The following PLEKHG4B variants were observed in gnomAD, a reference collection of about 807,000 sequenced individuals.
PLEKHG4B encodes pleckstrin homology domain-containing family G member 4B.
In PLEKHG4B, 111 loss-of-function variants were observed where a neutral mutation model predicts 121.3. That is an observed-to-expected ratio of 0.92 (90% confidence interval 0.78 to 1.07). The LOEUF (loss-of-function observed/expected upper bound fraction) is 1.07. PLEKHG4B is among the 50% of genes least tolerant of loss of function. The pLI is 0.00. For missense variants in PLEKHG4B, 1,831 were observed against 1,757.8 expected, an observed-to-expected ratio of 1.04 and a Z score of -0.74; for synonymous variants, 738 against 725.0, an observed-to-expected ratio of 1.02 and a Z score of -0.29.
chr5:109,422 TCC>T (rs763878109), intron 1 of PLEKHG4B, among the ~76,000 whole-genome samples: 5,770 of 105,052 alleles, frequency 0.055, 187 homozygotes, highest in Non-Finnish European at 0.064. Context: ...AAAAAAAAAA[TCC>T]AGCCAGAGGC....
intron 14 of PLEKHG4B, among the ~76,000 whole-genome samples, chr5:170,234 C>T (rs1339080072): frequency 6.6e-6 from 1 of 152,192 alleles, no homozygotes; most frequent in East Asian, 1.9e-4. Flanking sequence ...TCCCAGACCA[C>T]TGAGCACAGA....
chr5:95,450 G>A (rs1040288703), intron 1 of PLEKHG4B, among the ~76,000 whole-genome samples: 1 of 152,120 alleles, frequency 6.6e-6, no homozygotes, highest in African/African-American at 2.4e-5. Context: ...GTCTGCATAC[G>A]ATGGTCAGAG....
chr5:133,440 A>G (rs1734837004), intron 2 of PLEKHG4B, among the ~76,000 whole-genome samples: 1 of 152,126 alleles, frequency 6.6e-6, no homozygotes, highest in Non-Finnish European at 1.5e-5. Context: ...ATCAGCAAGA[A>G]AAAAAAACAG....
intron 13 of PLEKHG4B, among the ~76,000 whole-genome samples, chr5:164,480 A>AGCTCACACTAATGCTCTGACGGGGCGGG (rs1736174543): frequency 8.2e-6 from 1 of 122,248 alleles, no homozygotes; most frequent in Non-Finnish European, 1.6e-5. Flanking sequence ...GACGGAGCAG[A>AGCTCACACTAATGCTCTGACGGGGCGGG]GCTCACACTA....
Position 145,032 on chromosome 5 carries a change from A to G in PLEKHG4B, c.1905+112A>G, listed in dbSNP as rs16900746. On this transcript the variant is annotated intron_variant, in intron 6 of 19. Transcript: ENST00000637938. The stretch of plus-strand genomic sequence containing the variant: ...TAGCCAGTCCACAGGCTTAGTGTGA[A>G]GATTCGAGATGGGGGCCCCTGTGCA... 125,831 of 974,560 alleles carry G rather than the reference A, an allele frequency of 0.13. 10,671 individuals are homozygous for G. The highest frequency in any genetic ancestry group is 0.36 in the African/African-American group (22,249 of 61,572). 60.4% of individuals were successfully genotyped at this position (974,560 alleles called of 1,614,324 possible).
intron 2 of PLEKHG4B, among the ~76,000 whole-genome samples, chr5:119,721 G>A (rs140780898): frequency 3.0e-4 from 45 of 152,312 alleles, no homozygotes; most frequent in African/African-American, 1.1e-3. Context: ...CAGTCACTGA[G>A]GCTGGAGGAG....
intron 18 of PLEKHG4B, chr5:179,841 A>G (rs1393591899): frequency 6.6e-6 from 1 of 152,196 alleles, no homozygotes; most frequent in African/African-American, 2.4e-5. Flanking sequence ...TTTTCCACTC[A>G]TCTTAAAGTT....
chr5:135,240 C>T (rs964471967), intron 2 of PLEKHG4B, among the ~76,000 whole-genome samples: 2 of 144,052 alleles, frequency 1.4e-5, no homozygotes, highest in Non-Finnish European at 3.1e-5. Flanking sequence ...AAAAAGAATG[C>T]AATACCTAGG....
intron 13 of PLEKHG4B, among the ~76,000 whole-genome samples, chr5:164,446 GGGCGGGGCTC>G (rs1736168616): frequency 3.1e-5 from 4 of 127,618 alleles, no homozygotes; most frequent in African/African-American, 8.2e-5. Flanking sequence ...CTGTGACAGG[GGGCGGGGCTC>G]ACAGTAATGT....
intron 7 of PLEKHG4B, among the ~76,000 whole-genome samples, chr5:153,154 C>G (rs143411186): frequency 4.5e-4 from 69 of 152,318 alleles, no homozygotes; most frequent in African/African-American, 1.5e-3. Context: ...TTTTCTACAT[C>G]TCTCCTGAGT....
chr5:171,308 AC>A lies in PLEKHG4B; in HGVS notation c.3916del (p.Leu1306CysfsTer46). The A allele has an allele frequency of 1.2e-6, 2 of 1,612,492 alleles. No homozygotes were observed. The highest frequency in any genetic ancestry group is 2.2e-5 in the South Asian group (2 of 90,994). ...RVAKYALLLQDLLKEASCGLA... is the reference protein window; with the variant it reads ...RVAKYALLLQXLLKEASCGLA... ...GCCAAGTACGCGCTGCTACTCCAGG[AC>A]CTGCTCAAGGAGGCCAGCTGTGGCC... On this transcript the variant is annotated frameshift_variant, in exon 16 of 20. Transcript: ENST00000637938. LOFTEE classifies it high-confidence loss of function.
At chr5:177,364 A>G (rs1474808769) in intron 18 of PLEKHG4B, among the ~76,000 whole-genome samples, 1 of 152,136 alleles carries the variant, frequency 6.6e-6, no homozygotes, top group East Asian at 1.9e-4. Flanking sequence ...TTCCACTTTA[A>G]TTTATTCTCG....
rs1019839598 is a variant in PLEKHG4B, at chr5:137,293, G to A, written c.244-2190G>A. Among the ~76,000 whole-genome samples the A allele has an allele frequency of 2.0e-5, 3 of 152,204 alleles. No individual in the cohort carries two copies. The highest frequency in any genetic ancestry group is 2.1e-4 in the South Asian group (1 of 4,826). Reference sequence around the variant, plus strand: ...TGAGCTGGTGTTTAATGGGTTCACCGTTTCAGTTTGGGAAGATGGAAAGTT... The same window carrying A: ...TGAGCTGGTGTTTAATGGGTTCACCATTTCAGTTTGGGAAGATGGAAAGTT... On this transcript the variant is annotated intron_variant, in intron 2 of 19. Coordinates refer to ENST00000637938, the MANE Select transcript of PLEKHG4B (RefSeq NM_052909.5). The surrounding 1 kb of genome is among the most constrained non-coding windows in gnomAD (Gnocchi z 4.2).
intron 1 of PLEKHG4B, among the ~76,000 whole-genome samples, chr5:105,908 G>A (rs1236622638): frequency 6.6e-6 from 1 of 152,226 alleles, no homozygotes; most frequent in Non-Finnish European, 1.5e-5. Flanking sequence ...CGCACCCGCC[G>A]CCTCTCTGTC....
intron 6 of PLEKHG4B, among the ~76,000 whole-genome samples, chr5:148,185 CT>C (rs1239847255): frequency 7.9e-5 from 12 of 151,630 alleles, no homozygotes; most frequent in African/African-American, 2.9e-4. Flanking sequence ...ATAATGCCCA[CT>C]TCTATTCAAC....
At chr5:181,725 C>T in intron 19 of PLEKHG4B, 50 bp downstream of exon 19, 1 of 1,581,992 alleles carries the variant, frequency 6.3e-7, no homozygotes, top group South Asian at 1.2e-5. Flanking sequence ...GGCACTGGGC[C>T]TGTCATCAAG....
intron 1 of PLEKHG4B, among the ~76,000 whole-genome samples, chr5:112,047 A>G (rs1734174565): frequency 6.6e-6 from 1 of 152,248 alleles, no homozygotes; most frequent in Non-Finnish European, 1.5e-5. Flanking sequence ...ATTAGATCAC[A>G]TAGCATTTCT....
At chr5:105,157 G>A (rs1430380066) in intron 1 of PLEKHG4B, among the ~76,000 whole-genome samples, 1 of 152,248 alleles carries the variant, frequency 6.6e-6, no homozygotes. Flanking sequence ...CGTCCTGAAG[G>A]TGGAGAAACA....
chr5:140,809 A>G (rs1324484497), intron 3 of PLEKHG4B, 93 bp downstream of exon 3: 2 of 758,576 alleles, frequency 2.6e-6, no homozygotes, highest in Non-Finnish European at 3.5e-6. Context: ...CCTTCCCTAC[A>G]AACCCCCACA....
Sources: allele counts gnomAD v4.1 joint callset (sites outside exome capture counted in the v4.1 genomes callset), GRCh38; gene constraint gnomAD v4.1.1; non-coding constraint Gnocchi (gnomAD v3.1); transcripts MANE v1.5; gene names NCBI Gene and HGNC (gene_info 2026-07-23, HGNC 2026-07-21).